PCDHA2: variants seen among roughly 807,000 people sequenced by gnomAD.
PCDHA2 encodes protocadherin alpha 2, also known as protocadherin alpha-2.
A neutral mutation model predicts 66.0 loss-of-function variants in PCDHA2; 58 were observed. The ratio of observed to expected loss-of-function variants is 0.88; its 90% CI spans 0.71 to 1.09. PCDHA2 has a LOEUF of 1.09. PCDHA2 is among the 50% of genes least tolerant of loss of function. The probability of loss-of-function intolerance (pLI) is 0.00; values close to 1 mark genes in which losing one functional copy is unlikely to be tolerated. For missense variants in PCDHA2, 1,267 were observed against 1,242.3 expected (o/e 1.02, Z -0.30); for synonymous variants, 634 against 554.0 (o/e 1.14, Z -2.03).
chr5:141,002,923 C>T (rs1261794185), intron 3 of PCDHA2, among the ~76,000 whole-genome samples: 6 of 152,220 alleles, frequency 3.9e-5, no homozygotes, highest in African/African-American at 1.2e-4. Flanking sequence ...AAAGTGAACA[C>T]CCTCCAACAC....
At chr5:140,841,613 C>A in intron 1 of PCDHA2, 3 of 1,614,080 alleles carry the variant, frequency 1.9e-6, no homozygotes, top group Non-Finnish European at 2.5e-6. Context: ...GCTGTGCGGG[C>A]GGAGCGCGGA....
chr5:140,822,597 G>A (rs1554128735), intron 1 of PCDHA2: 2 of 1,609,136 alleles, frequency 1.2e-6, no homozygotes, highest in Non-Finnish European at 1.7e-6. Flanking sequence ...GCATCAATAA[G>A]GAAATAGTGT....
chr5:140,996,701 A>G (rs782320896), intron 3 of PCDHA2, among the ~76,000 whole-genome samples: 2 of 152,130 alleles, frequency 1.3e-5, no homozygotes, highest in Non-Finnish European at 2.9e-5. Flanking sequence ...CTGAACCTCT[A>G]TCTCTTTGAT....
At chr5:140,803,561 A>G (rs1261554487) in intron 1 of PCDHA2, 2 of 1,614,232 alleles carry the variant, frequency 1.2e-6, no homozygotes, top group Admixed American at 1.7e-5. Context: ...GAGAGGAGAA[A>G]CAGGATGTGG....
At chr5:140,968,410 T>A (rs1554230678) in intron 1 of PCDHA2, 2 of 1,614,040 alleles carry the variant, frequency 1.2e-6, no homozygotes, top group Non-Finnish European at 1.7e-6. Flanking sequence ...TCTTTGTGAC[T>A]GTGGAGGCTC....
intron 1 of PCDHA2, among the ~76,000 whole-genome samples, chr5:140,827,455 G>A (rs1173734499): frequency 3.3e-5 from 5 of 152,188 alleles, no homozygotes; most frequent in African/African-American, 7.2e-5. Flanking sequence ...AGAACCTTAA[G>A]AGCATCTGAT....
At chr5:140,914,095 C>G (rs1368870998) in intron 1 of PCDHA2, among the ~76,000 whole-genome samples, 1 of 152,082 alleles carries the variant, frequency 6.6e-6, no homozygotes, top group Non-Finnish European at 1.5e-5. Context: ...TCAATTTGTT[C>G]TATAGTGCAG....
In PCDHA2 at chr5:140,855,851, G is replaced by A. The variant is rs971470534; in HGVS notation, c.2388+58499G>A. On this transcript the variant is annotated intron_variant, in intron 1 of 3. Transcript: ENST00000526136. Reference sequence around the variant, plus strand: ...AATCGTACTTACACCTAAAGCCACCGGATGTCGCTGTCGTCCACAAAATAG... The same window carrying A: ...AATCGTACTTACACCTAAAGCCACCAGATGTCGCTGTCGTCCACAAAATAG... 16 of 668,440 alleles carry A rather than the reference G, an allele frequency of 2.4e-5. No homozygotes were observed. The East Asian group carries it at 3.9e-4, about 16-fold the overall frequency. The allele number at this position is 668,440 out of a possible 1,614,324, so 41.4% of individuals were successfully genotyped here.
intron 1 of PCDHA2, chr5:140,876,689 C>A (rs2056506979): frequency 1.2e-6 from 2 of 1,614,228 alleles, no homozygotes; most frequent in Non-Finnish European, 1.7e-6. Context: ...AATTACTACT[C>A]GTTGGTGCTG....
At chr5:140,840,458 A>C (rs1178434181) in intron 1 of PCDHA2, among the ~76,000 whole-genome samples, 1 of 152,008 alleles carries the variant, frequency 6.6e-6, no homozygotes, top group Admixed American at 6.6e-5. Context: ...GTTAAATAAA[A>C]AGTTGGGGAA....
intron 1 of PCDHA2, among the ~76,000 whole-genome samples, chr5:140,833,185 A>G (rs1772342478): frequency 6.6e-6 from 1 of 152,226 alleles, no homozygotes; most frequent in African/African-American, 2.4e-5. Flanking sequence ...GACTGCAAGG[A>G]TTAAATGAAG....
intron 1 of PCDHA2, chr5:140,875,605 G>T (rs782421314): frequency 3.5e-5 from 57 of 1,613,756 alleles, no homozygotes; most frequent in Admixed American, 1.3e-4. Context: ...CGGCACCTTC[G>T]TGGGCCGCAT....
At chr5:140,989,007 A>C (rs1356295875) in intron 3 of PCDHA2, 1 of 152,216 alleles carries the variant, frequency 6.6e-6, no homozygotes, top group Non-Finnish European at 1.5e-5. Flanking sequence ...ATAGAGACTT[A>C]TTATAGTTTC....
chr5:140,823,760 C>A, intron 1 of PCDHA2: 2 of 1,613,900 alleles, frequency 1.2e-6, no homozygotes, highest in Non-Finnish European at 1.7e-6. Flanking sequence ...ACAGCCACAG[C>A]CACAGTGCTG....
At chr5:140,801,171 C>T in intron 1 of PCDHA2, 7 of 1,563,956 alleles carry the variant, frequency 4.5e-6, no homozygotes, top group Non-Finnish European at 6.0e-6. Context: ...AATGTAAAGG[C>T]AATCTAATAT....
intron 1 of PCDHA2, among the ~76,000 whole-genome samples, chr5:140,938,945 T>A (rs1390189208): frequency 6.6e-6 from 1 of 152,154 alleles, no homozygotes; most frequent in African/African-American, 2.4e-5. Context: ...TCCATTCTTA[T>A]AATGCTCTAG....
chr5:141,000,395 C>CTCTATA (rs1213762225), intron 3 of PCDHA2, among the ~76,000 whole-genome samples: 3 of 53,980 alleles, frequency 5.6e-5, no homozygotes, highest in East Asian at 6.1e-4. Flanking sequence ...CTCTCTCTCT[C>CTCTATA]TATATATATA....
chr5:140,803,458 G>A (rs781912049), intron 1 of PCDHA2: 3 of 1,614,230 alleles, frequency 1.9e-6, no homozygotes, highest in South Asian at 1.1e-5. Context: ...TCGCAGCAGA[G>A]GCAGCAGAGG....
intron 1 of PCDHA2, chr5:140,824,156 T>C (rs200693729): frequency 6.2e-7 from 1 of 1,611,610 alleles, no homozygotes; most frequent in Non-Finnish European, 8.5e-7. Flanking sequence ...ACATCCATCT[T>C]TCCCTCCCAA....
Sources: allele counts gnomAD v4.1 joint callset (sites outside exome capture counted in the v4.1 genomes callset), GRCh38; gene constraint gnomAD v4.1.1; transcripts MANE v1.5; gene names NCBI Gene and HGNC (gene_info 2026-07-23, HGNC 2026-07-21).